SPATS2L: variants seen among roughly 807,000 people sequenced by gnomAD.
The protein encoded by SPATS2L is SPATS2-like protein.
In SPATS2L, 30 loss-of-function variants were observed where a neutral mutation model predicts 59.6. That is an observed-to-expected ratio of 0.50 (90% CI 0.38 to 0.68). The LOEUF is 0.68. Ranked by LOEUF, SPATS2L falls within the 30% of genes least tolerant of loss-of-function variation. The probability of loss-of-function intolerance (pLI) is 0.00; values close to 1 mark genes in which losing one functional copy is unlikely to be tolerated. For missense variants in SPATS2L, 615 were observed against 700.0 expected, an observed-to-expected ratio of 0.88 and a Z score of 1.37; for synonymous variants, 252 against 263.5, an observed-to-expected ratio of 0.96 and a Z score of 0.42.
At chr2:200,345,703 C>T (rs2080490150) in intron 2 of SPATS2L, among the ~76,000 whole-genome samples, 1 of 152,174 alleles carries the variant, frequency 6.6e-6, no homozygotes, top group Admixed American at 6.6e-5. Context: ...CTCATTGTAT[C>T]ATTTGTAGTA....
chr2:200,401,605 C>T (rs1461989728), intron 3 of SPATS2L, among the ~76,000 whole-genome samples: 2 of 152,172 alleles, frequency 1.3e-5, no homozygotes, highest in African/African-American at 4.8e-5. Context: ...GTGCCACCTT[C>T]TCTCCTTTGC....
rs537675126 is a variant in SPATS2L at position 200,445,441 on chromosome 2, G to T, written c.788+4657G>T. ...CTACTGAAGCCCTGTTGATAGCCAA[G>T]GAAAATCACACACAGATTATCAATG... On this transcript the variant is annotated intron_variant, in intron 8 of 12. Coordinates refer to ENST00000409140, the MANE Select transcript of SPATS2L (RefSeq NM_001100423.2). Among the ~76,000 whole-genome samples the T allele has an allele frequency of 1.0e-3, 152 of 152,272 alleles. 1 individual carries two copies. Among genetic ancestry groups the T allele is most frequent in the African/African-American group, 3.5e-3 (147 of 41,550 alleles).
chr2:200,469,888 T>C (rs973225603), intron 10 of SPATS2L, 26 bp from the exon 11 acceptor site: 1 of 1,577,544 alleles, frequency 6.3e-7, no homozygotes, highest in African/African-American at 1.3e-5. Flanking sequence ...ATCATGGGGT[T>C]CCTGCTTTTC....
chr2:200,349,907 A>G (rs1351990979), intron 2 of SPATS2L, among the ~76,000 whole-genome samples: 1 of 152,160 alleles, frequency 6.6e-6, no homozygotes. Flanking sequence ...TTACCCAGGA[A>G]TGAAATTCAC....
At position 200,306,833 on chromosome 2, in the gene SPATS2L, G is replaced by T; in HGVS notation, c.-162G>T. 2.0e-6 allele frequency: 2 copies of T among 980,850 alleles called. No homozygotes were observed. The highest frequency in any genetic ancestry group is 2.4e-6 in the Non-Finnish European group (2 of 828,158). 60.8% of individuals were successfully genotyped at this position (980,850 alleles called of 1,614,324 possible). A position where few individuals can be genotyped will look rare whatever the true frequency, so the allele number is the denominator to read the frequency against. On this transcript the variant is annotated 5_prime_UTR_variant, in exon 1 of 13. Transcript: ENST00000409140. ...CTCGGCCCGCCCTCCGAGCCGCAGG[G>T]GCCGCCACCGCCGCGGCGCCTCCCC...
intron 3 of SPATS2L, among the ~76,000 whole-genome samples, chr2:200,397,749 G>T (rs190419781): frequency 5.3e-4 from 81 of 152,116 alleles, no homozygotes; most frequent in African/African-American, 1.9e-3. Context: ...TCAACTCATA[G>T]GGAGGAAGAA....
At chr2:200,351,106 A>T in intron 2 of SPATS2L, 1 of 390,954 alleles carries the variant, frequency 2.6e-6, no homozygotes, top group Non-Finnish European at 5.3e-6. Context: ...TGTTTATGCA[A>T]GTGTTTTGAA....
intron 3 of SPATS2L, among the ~76,000 whole-genome samples, chr2:200,410,120 A>G (rs1199432356): frequency 2.0e-5 from 3 of 151,660 alleles, no homozygotes; most frequent in Admixed American, 2.0e-4. Context: ...TATTATATTA[A>G]TTATATTATT....
chr2:200,388,271 C>T (rs1016713073), intron 2 of SPATS2L, among the ~76,000 whole-genome samples: 2 of 151,960 alleles, frequency 1.3e-5, no homozygotes, highest in African/African-American at 4.8e-5. Context: ...ATAACTCAAG[C>T]TAAGATAAAG....
chr2:200,335,121 G>A (rs62179516), intron 2 of SPATS2L, among the ~76,000 whole-genome samples: 12,823 of 152,150 alleles, frequency 0.084, 738 homozygotes, highest in Non-Finnish European at 0.13. Flanking sequence ...CCATTTTCAC[G>A]ATATTGATTC....
At chr2:200,442,775 A>G (rs1281382184) in intron 8 of SPATS2L, among the ~76,000 whole-genome samples, 2 of 152,230 alleles carry the variant, frequency 1.3e-5, no homozygotes, top group African/African-American at 2.4e-5. Flanking sequence ...AGATTCTGTG[A>G]GAGTTTTACT....
intron 8 of SPATS2L, among the ~76,000 whole-genome samples, chr2:200,445,989 T>G (rs1366551949): frequency 2.0e-5 from 3 of 152,192 alleles, no homozygotes; most frequent in Non-Finnish European, 4.4e-5. Flanking sequence ...TCTTAGAGCT[T>G]TATAGTCCTC....
intron 2 of SPATS2L, among the ~76,000 whole-genome samples, chr2:200,341,729 G>A (rs369601219): frequency 6.8e-6 from 1 of 147,170 alleles, no homozygotes; most frequent in Non-Finnish European, 1.5e-5. Flanking sequence ...TTGCTCTGTC[G>A]CCCAGGCTGG....
At chr2:200,327,916 C>A (rs893011530) in intron 1 of SPATS2L, among the ~76,000 whole-genome samples, 2 of 152,126 alleles carry the variant, frequency 1.3e-5, no homozygotes, top group African/African-American at 4.8e-5. Context: ...TCAAAATAGC[C>A]ATTGGTATAC....
chr2:200,368,519 T>C (rs573280822), intron 2 of SPATS2L, among the ~76,000 whole-genome samples: 9 of 152,340 alleles, frequency 5.9e-5, no homozygotes, highest in African/African-American at 1.9e-4. Flanking sequence ...TTGGACCTAA[T>C]TTTAACCAAG....
chr2:200,306,249 C>G (rs1052879007), upstream of SPATS2L: 11 of 1,002,176 alleles, frequency 1.1e-5, no homozygotes, highest in African/African-American at 1.9e-4. Flanking sequence ...AAAAACATCT[C>G]GTATTTGCAG....
chr2:200,342,328 CAGG>C (rs1446308152), intron 2 of SPATS2L, among the ~76,000 whole-genome samples: 2 of 152,194 alleles, frequency 1.3e-5, no homozygotes, highest in African/African-American at 4.8e-5. Flanking sequence ...GAATGTGGGA[CAGG>C]AGACCAGAGC....
At chr2:200,357,839 C>G (rs1030191760) in intron 2 of SPATS2L, among the ~76,000 whole-genome samples, 1 of 152,154 alleles carries the variant, frequency 6.6e-6, no homozygotes, top group Admixed American at 6.6e-5. Context: ...GCGAGCAATA[C>G]ATGTCTCAAA....
In SPATS2L at chr2:200,472,991, T is replaced by C. The variant is rs937004599; in HGVS notation, c.1220T>C (p.Met407Thr). The change falls in exon 12 of 13, where the codon ATG becomes ACG. Residue 407 changes from methionine (M) to threonine (T), a missense_variant. Coordinates refer to ENST00000409140, the MANE Select transcript of SPATS2L (RefSeq NM_001100423.2). ...PSEGKAANPK[M>T]VSSLPSTADP... The stretch of plus-strand genomic sequence containing the variant: ...GAAGGCAAAGCGGCAAACCCCAAAA[T>C]GGTGAGCAGTCTCCCCAGCACCGCC... 5 of 1,612,320 alleles carry C rather than the reference T, an allele frequency of 3.1e-6. No homozygotes were observed. Among genetic ancestry groups the C allele is most frequent in the South Asian group, 1.1e-5 (1 of 91,034 alleles).
Sources: allele counts gnomAD v4.1 joint callset (sites outside exome capture counted in the v4.1 genomes callset), GRCh38; gene constraint gnomAD v4.1.1; transcripts MANE v1.5; gene names NCBI Gene and HGNC (gene_info 2026-07-23, HGNC 2026-07-21).